The following IQSEC1 variants were observed in gnomAD, a reference collection of about 807,000 sequenced individuals.
IQSEC1 encodes IQ motif and Sec7 domain ArfGEF 1.
In IQSEC1, 31 loss-of-function variants were observed where a neutral mutation model predicts 91.0. That is an observed-to-expected ratio of 0.34 (90% confidence interval 0.26 to 0.46). IQSEC1 has a LOEUF of 0.46. IQSEC1 is among the 20% of genes least tolerant of loss of function. IQSEC1 has a pLI of 1.00. For synonymous variants in IQSEC1, 699 were observed against 662.6 expected (o/e 1.05, Z -0.84); for missense variants, 1,388 against 1,575.6 (o/e 0.88, Z 2.02).
At chr3:13,249,049 C>CAG in intron 1 of IQSEC1, among the ~76,000 whole-genome samples, 1 of 152,048 alleles carries the variant, frequency 6.6e-6, no homozygotes, top group East Asian at 1.9e-4. Flanking sequence ...AGACTGTGGG[C>CAG]AGAGTCTGTC....
chr3:12,987,164 G>A (rs1287455742), intron 1 of IQSEC1: 4 of 234,506 alleles, frequency 1.7e-5, no homozygotes, highest in East Asian at 1.7e-4. Context: ...AGCCAGACAC[G>A]TGACACTGCA....
chr3:13,158,984 G>A (rs1707125814), intron 2 of IQSEC1, among the ~76,000 whole-genome samples: 1 of 151,922 alleles, frequency 6.6e-6, no homozygotes, highest in Non-Finnish European at 1.5e-5. Flanking sequence ...ATTCTTCTAA[G>A]TGTTAGAAGC....
At chr3:13,181,169 G>T (rs1023512690) in intron 1 of IQSEC1, among the ~76,000 whole-genome samples, 1 of 152,226 alleles carries the variant, frequency 6.6e-6, no homozygotes, top group African/African-American at 2.4e-5. Flanking sequence ...GACTCAGGAG[G>T]CTGAGGCAGG....
At chr3:13,264,381 C>T (rs1257982012) in intron 1 of IQSEC1, among the ~76,000 whole-genome samples, 8 of 152,308 alleles carry the variant, frequency 5.3e-5, no homozygotes, top group East Asian at 3.9e-4. Context: ...GGCAGAAGGG[C>T]GGACACGGTG....
chr3:13,006,508 A>G (rs1300687191), intron 1 of IQSEC1, among the ~76,000 whole-genome samples: 4 of 152,236 alleles, frequency 2.6e-5, no homozygotes, highest in Non-Finnish European at 5.9e-5. Flanking sequence ...ACTGGCAGAC[A>G]TGGGAGTGGG....
At chr3:13,082,707 C>A (rs560982634) in intron 2 of IQSEC1, among the ~76,000 whole-genome samples, 1 of 152,330 alleles carries the variant, frequency 6.6e-6, no homozygotes, top group East Asian at 1.9e-4. Context: ...TAACCTGAAA[C>A]CTGACCATGT....
chr3:13,074,160 G>A (rs1705523044), upstream of IQSEC1, among the ~76,000 whole-genome samples: 1 of 152,244 alleles, frequency 6.6e-6, no homozygotes, highest in African/African-American at 2.4e-5. Flanking sequence ...AGGAAGAGGG[G>A]AGGCAGGGAC....
intron 1 of IQSEC1, among the ~76,000 whole-genome samples, chr3:12,986,555 G>A (rs1416956449): frequency 1.3e-5 from 2 of 152,194 alleles, no homozygotes; most frequent in African/African-American, 2.4e-5. Context: ...TGCTCAGCAC[G>A]CACTCATTCC....
Position 12,967,722 on chromosome 3 carries a change from C to A in IQSEC1, c.24-25857G>T. Reference sequence around the variant, plus strand: ...GCGAGGCCGGGCCGGAGGAATGTGGCCCTGAAGTGGGCGGGGCAGGGCGGG... The same window carrying A: ...GCGAGGCCGGGCCGGAGGAATGTGGACCTGAAGTGGGCGGGGCAGGGCGGG... On this transcript the variant is annotated intron_variant, in intron 1 of 13. Transcript: ENST00000613206. The surrounding 1 kb of genome is among the most constrained non-coding windows in gnomAD (Gnocchi z 5.9). 9.1e-7 allele frequency: 1 copy of A among 1,099,042 alleles called. No individual in the cohort carries two copies. The highest frequency in any genetic ancestry group is 1.1e-6 in the Non-Finnish European group (1 of 905,438). The allele number at this position is 1,099,042 out of a possible 1,614,324, so 68.1% of individuals were successfully genotyped here. A position where few individuals can be genotyped will look rare whatever the true frequency, so the allele number is the denominator to read the frequency against.
intron 3 of IQSEC1, among the ~76,000 whole-genome samples, chr3:12,933,114 G>A (rs1697842324): frequency 6.6e-6 from 1 of 152,376 alleles, no homozygotes; most frequent in African/African-American, 2.4e-5. Context: ...CCGGGCAAAG[G>A]CCGGGACATA....
chr3:13,235,348 C>T (rs1694910151), intron 1 of IQSEC1, among the ~76,000 whole-genome samples: 1 of 152,170 alleles, frequency 6.6e-6, no homozygotes, highest in Non-Finnish European at 1.5e-5. Context: ...TGGCAGTTAC[C>T]AATCAATCCC....
At chr3:13,066,621 C>A (rs1300979816) in intron 1 of IQSEC1, among the ~76,000 whole-genome samples, 6 of 152,200 alleles carry the variant, frequency 3.9e-5, no homozygotes, top group Non-Finnish European at 1.5e-5. Flanking sequence ...CGTGGGAGGC[C>A]AGGAGGACCA....
intron 1 of IQSEC1, among the ~76,000 whole-genome samples, chr3:12,974,010 C>G (rs546432618): frequency 5.9e-5 from 9 of 152,306 alleles, no homozygotes; most frequent in African/African-American, 2.2e-4. Flanking sequence ...AAATTAGACG[C>G]AGCTGTTATG....
chr3:12,986,690 C>T lies in IQSEC1; in HGVS notation c.24-44825G>A, dbSNP rs61710105. 9.8e-5 allele frequency among the ~76,000 whole-genome samples: 15 copies of T among 152,322 alleles called. No homozygotes were observed. The East Asian group carries it at 1.2e-3, about 12-fold the overall frequency. ...CACCAGGGTCTAGGGGGCAGGCTAA[C>T]GGCTGGCAGTGACCCTCCCACCCAG... On this transcript the variant is annotated intron_variant, in intron 1 of 13. Transcript: ENST00000613206.
chr3:13,165,112 C>T (rs1245079033), intron 1 of IQSEC1, among the ~76,000 whole-genome samples: 5 of 152,172 alleles, frequency 3.3e-5, no homozygotes, highest in East Asian at 1.9e-4. Flanking sequence ...AGCCTGGTCG[C>T]GCTCACCAGT....
intron 1 of IQSEC1, among the ~76,000 whole-genome samples, chr3:13,004,018 T>C (rs1195987900): frequency 6.6e-6 from 1 of 152,366 alleles, no homozygotes; most frequent in South Asian, 2.1e-4. Flanking sequence ...TTTTGTATTA[T>C]TGTTGTAACT....
chr3:13,041,025 A>G (rs1704241432), intron 1 of IQSEC1, among the ~76,000 whole-genome samples: 1 of 152,012 alleles, frequency 6.6e-6, no homozygotes, highest in Non-Finnish European at 1.5e-5. Flanking sequence ...GACAGGGGTC[A>G]GATCTCGTGG....
intron 9 of IQSEC1, among the ~76,000 whole-genome samples, chr3:12,912,749 C>T (rs1395160621): frequency 6.6e-6 from 1 of 151,802 alleles, no homozygotes; most frequent in East Asian, 1.9e-4. Context: ...GTACAGAAAT[C>T]CAAAGGACAA....
chr3:13,165,373 T>A (rs1437951627), intron 1 of IQSEC1, among the ~76,000 whole-genome samples: 1 of 152,032 alleles, frequency 6.6e-6, no homozygotes, highest in East Asian at 1.9e-4. Flanking sequence ...GACCAGCCCC[T>A]GGTGGCTGAA....
Sources: allele counts gnomAD v4.1 joint callset (sites outside exome capture counted in the v4.1 genomes callset), GRCh38; gene constraint gnomAD v4.1.1; non-coding constraint Gnocchi (gnomAD v3.1); transcripts MANE v1.5; gene names NCBI Gene and HGNC (gene_info 2026-07-23, HGNC 2026-07-21).